PAXIP1: variants seen among roughly 807,000 people sequenced by gnomAD.
PAXIP1 encodes PAX interacting protein 1.
A neutral mutation model predicts 140.6 loss-of-function variants in PAXIP1; 19 were observed. The observed-to-expected ratio is 0.14, with a 90% CI of 0.09 to 0.20. The LOEUF is 0.20. PAXIP1 is among the 10% of genes least tolerant of loss of function. The pLI, the probability that PAXIP1 is intolerant of heterozygous loss-of-function variation, is 1.00. For missense variants in PAXIP1, 920 were observed against 1,208.6 expected, an observed-to-expected ratio of 0.76 and a Z score of 3.54; for synonymous variants, 442 against 444.6, an observed-to-expected ratio of 0.99 and a Z score of 0.07.
chr7:154,972,589 A>G (rs1033950796), intron 6 of PAXIP1, among the ~76,000 whole-genome samples: 1 of 152,190 alleles, frequency 6.6e-6, no homozygotes, highest in Non-Finnish European at 1.5e-5. Context: ...AGCAAAGAAA[A>G]TTTCCTATTT....
chr7:154,946,841 ATG>A lies in PAXIP1; in HGVS notation c.2923-30_2923-29del. ...AAAATTAAATGAAAATATATGTATTATGTTCTTAAAATGCTTTAATTTTTAGA... is the reference window on the plus strand; with the variant it reads ...AAAATTAAATGAAAATATATGTATTATTCTTAAAATGCTTTAATTTTTAGA... On this transcript the variant is annotated intron_variant, in intron 17 of 20. Coordinates refer to ENST00000404141, the MANE Select transcript of PAXIP1 (RefSeq NM_007349.4). This position sits in a 1 kb window ranked among gnomAD's most constrained non-coding sequence, Gnocchi z 4.9. 1 of 1,476,222 alleles carries A rather than the reference ATG, an allele frequency of 6.8e-7. No homozygotes were observed. The highest frequency in any genetic ancestry group is 9.2e-7 in the Non-Finnish European group (1 of 1,083,060). The allele number at this position is 1,476,222 out of a possible 1,614,324, so 91.4% of individuals were successfully genotyped here. A position where few individuals can be genotyped will look rare whatever the true frequency, so the allele number is the denominator to read the frequency against.
intron 2 of PAXIP1, among the ~76,000 whole-genome samples, chr7:154,996,845 G>A (rs967401031): frequency 6.6e-6 from 1 of 152,154 alleles, no homozygotes; most frequent in African/African-American, 2.4e-5. Flanking sequence ...TTACAAAAAG[G>A]TGGTTTGGGG....
In PAXIP1 at chr7:154,946,711, A is replaced by G; in HGVS notation, c.3025T>C (p.Phe1009Leu). 1.2e-6 allele frequency: 2 copies of G among 1,613,780 alleles called. No individual in the cohort carries two copies. The highest frequency in any genetic ancestry group is 2.2e-5 in the South Asian group (2 of 91,034). The change falls in exon 18 of 21, where the codon TTC (phenylalanine) becomes CTC (leucine). Residue 1009 changes from phenylalanine to leucine, a missense_variant. Physicochemically the swap from Phe to Leu is conservative, Grantham distance 22. Around this residue, in one of 5 missense-constraint regions of PAXIP1, gnomAD observed 303 missense variants for 517.9 expected, o/e 0.59. Transcript: ENST00000404141. The surrounding 1 kb of genome is among the most constrained non-coding windows in gnomAD (Gnocchi z 4.9). ...TGCTTGTGCTCCATGAGCTTCCGGAAAGATGGCTGCTTGGATAACACCTTT... is the reference window on the plus strand; with the variant it reads ...TGCTTGTGCTCCATGAGCTTCCGGAGAGATGGCTGCTTGGATAACACCTTT... ...GGKVLSKQPSFRKLMEHKQNS... is the reference protein window; with the variant it reads ...GGKVLSKQPSLRKLMEHKQNS...
At chr7:154,969,240 G>T in intron 6 of PAXIP1, 114 bp from the exon 7 acceptor site, 1 of 1,124,358 alleles carries the variant, frequency 8.9e-7, no homozygotes, top group Non-Finnish European at 1.2e-6. Flanking sequence ...CAACTAAGTA[G>T]ACACAGCAAA....
At chr7:154,952,120 T>C (rs1460707838) in intron 16 of PAXIP1, 1 of 152,288 alleles carries the variant, frequency 6.6e-6, no homozygotes, top group Non-Finnish European at 1.5e-5. Context: ...TTAAGTTTTA[T>C]GTTTCATTAA....
intron 20 of PAXIP1, chr7:154,945,669 A>G (rs1364042347): frequency 2.0e-6 from 2 of 985,310 alleles, no homozygotes; most frequent in African/African-American, 3.5e-5. Flanking sequence ...TCCTGAGAAC[A>G]GCCCTGAGAG....
At chr7:154,971,571 A>G (rs1317259674) in intron 6 of PAXIP1, among the ~76,000 whole-genome samples, 1 of 152,224 alleles carries the variant, frequency 6.6e-6, no homozygotes, top group East Asian at 1.9e-4. Flanking sequence ...GGCTGGAAAC[A>G]TGTTAGTCCT....
At chr7:154,947,806 T>C in intron 17 of PAXIP1, 97 bp downstream of exon 17, 1 of 873,498 alleles carries the variant, frequency 1.1e-6, no homozygotes, top group Non-Finnish European at 2.0e-6. Context: ...CCAGCTCCCC[T>C]GGAGGCGCAC....
At chr7:155,001,896 T>C (rs1339949054) in intron 1 of PAXIP1, 1 of 152,298 alleles carries the variant, frequency 6.6e-6, no homozygotes, top group Non-Finnish European at 1.5e-5. Context: ...CAATTCCTTC[T>C]ACACCATCCA....
At chr7:154,991,680 T>C (rs1247999336) in intron 3 of PAXIP1, among the ~76,000 whole-genome samples, 3 of 152,222 alleles carry the variant, frequency 2.0e-5, no homozygotes, top group Admixed American at 2.0e-4. Context: ...TTCAAAATGA[T>C]TAATGAGCAC....
At chr7:154,959,228 A>G (rs1364046490) in intron 13 of PAXIP1, among the ~76,000 whole-genome samples, 1 of 152,238 alleles carries the variant, frequency 6.6e-6, no homozygotes, top group African/African-American at 2.4e-5. Flanking sequence ...TGGTGGGCAC[A>G]TGACATGGAA....
chr7:155,003,112 G>A lies in PAXIP1; in HGVS notation c.-183C>T, dbSNP rs940887360. The A allele has an allele frequency of 1.9e-5, 3 of 161,514 alleles. No individual in the cohort carries two copies. Among genetic ancestry groups the A allele is most frequent in the African/African-American group, 4.9e-5 (2 of 41,108 alleles). The allele number at this position is 161,514 out of a possible 1,614,324, so 10.0% of individuals were successfully genotyped here. ...CCGCGCCCCCGCCCGCGCCCGCGCC[G>A]AGCGCCCGAAGCGCGGGAGCCGCGC... On this transcript the variant is annotated 5_prime_UTR_variant, in exon 1 of 21. Coordinates refer to ENST00000404141, the MANE Select transcript of PAXIP1 (RefSeq NM_007349.4).
chr7:154,995,708 G>T (rs1174551940), intron 2 of PAXIP1, among the ~76,000 whole-genome samples: 1 of 152,098 alleles, frequency 6.6e-6, no homozygotes, highest in Non-Finnish European at 1.5e-5. Context: ...AAGTTAGCCG[G>T]GCGTGGTGGC....
chr7:154,986,553 T>C lies in PAXIP1; in HGVS notation c.325-3221A>G, dbSNP rs1217123153. On this transcript the variant is annotated intron_variant, in intron 4 of 20. Coordinates refer to ENST00000404141, the MANE Select transcript of PAXIP1 (RefSeq NM_007349.4). The surrounding 1 kb of genome is among the most constrained non-coding windows in gnomAD (Gnocchi z 4.8). ...CAAGGATTTGTTGGACCAAAGTCCC[T>C]TAGCTGCACACTGTACATATGTTGT... is the stretch of plus-strand genomic sequence containing the variant. Among the ~76,000 whole-genome samples, 1 of 152,214 alleles carries C rather than the reference T, an allele frequency of 6.6e-6. No homozygotes were observed. The highest frequency in any genetic ancestry group is 1.5e-5 in the Non-Finnish European group (1 of 68,038).
chr7:154,997,529 G>C (rs1432992934), intron 2 of PAXIP1, among the ~76,000 whole-genome samples: 4 of 152,128 alleles, frequency 2.6e-5, no homozygotes, highest in African/African-American at 9.7e-5. Context: ...AAATGGTAGT[G>C]GTATAGAACT....
At position 154,954,468 on chromosome 7, in the gene PAXIP1, C is replaced by G; in HGVS notation, c.2653-45G>C. 7.6e-7 allele frequency: 1 copy of G among 1,318,196 alleles called. No individual in the cohort carries two copies. Among genetic ancestry groups the G allele is most frequent in the Non-Finnish European group, 1.0e-6 (1 of 982,072 alleles). 81.7% of individuals were successfully genotyped at this position (1,318,196 alleles called of 1,614,324 possible). On this transcript the variant is annotated intron_variant, in intron 15 of 20. Coordinates refer to ENST00000404141, the MANE Select transcript of PAXIP1 (RefSeq NM_007349.4). This position sits in a 1 kb window ranked among gnomAD's most constrained non-coding sequence, Gnocchi z 5.1. ...GTCGGAAATGAAAAAGTTCAGCATC[C>G]ACAGAGCCACACTGACACAGAGTAA...
chr7:154,947,084 A>C (rs1034533248), intron 17 of PAXIP1: 8 of 289,284 alleles, frequency 2.8e-5, no homozygotes, highest in Non-Finnish European at 4.5e-5. Context: ...GTGTTTTGTG[A>C]ATAAGCAAGA....
rs776120165 is a variant in PAXIP1 at position 154,963,720 on chromosome 7, C to T, written c.1940G>A (p.Arg647Gln). 1.2e-6 allele frequency: 2 copies of T among 1,613,536 alleles called. No homozygotes were observed. Among genetic ancestry groups the T allele is most frequent in the Non-Finnish European group, 1.7e-6 (2 of 1,179,742 alleles). ...GGTVDPTFTS[R>Q]CTHLLCESQV... is the part of the protein sequence containing the mutation. Reference sequence around the variant, plus strand: ...ACTCTCACAGAGAAGGTGCGTGCATCGACTCGTGAAGGTGGGGTCAACAGT... The same window carrying T: ...ACTCTCACAGAGAAGGTGCGTGCATTGACTCGTGAAGGTGGGGTCAACAGT... Residue 647 changes from arginine to glutamine, a missense_variant, in exon 9 of 21, where the codon CGA becomes CAA. Arg to Gln is a conservative substitution (Grantham distance 43). Coordinates refer to ENST00000404141, the MANE Select transcript of PAXIP1 (RefSeq NM_007349.4). This position sits in a 1 kb window ranked among gnomAD's most constrained non-coding sequence, Gnocchi z 4.1.
chr7:154,989,781 T>C (rs932097301), intron 4 of PAXIP1, among the ~76,000 whole-genome samples: 5 of 152,228 alleles, frequency 3.3e-5, no homozygotes, highest in African/African-American at 7.2e-5. Context: ...TGTAATATTG[T>C]ACATACCTAG....
Sources: allele counts gnomAD v4.1 joint callset (sites outside exome capture counted in the v4.1 genomes callset), GRCh38; gene constraint gnomAD v4.1.1; regional missense constraint gnomAD v4.1.1; non-coding constraint Gnocchi (gnomAD v3.1); transcripts MANE v1.5; gene names NCBI Gene and HGNC (gene_info 2026-07-23, HGNC 2026-07-21).